Variants in AANAT observed in about 807,000 individuals in gnomAD.
The protein encoded by AANAT is serotonin N-acetyltransferase.
Under a neutral mutation model 15.6 loss-of-function variants are expected in AANAT, and 11 were observed. The observed-to-expected ratio is 0.71, with a 90% CI of 0.44 to 1.17. The LOEUF is 1.17. Ranked by LOEUF, AANAT falls within the 50% of genes most tolerant of loss-of-function variation. AANAT has a pLI of 0.00. For missense variants in AANAT, 286 were observed against 296.3 expected (o/e 0.97, Z 0.26); for synonymous variants, 139 against 131.5 (o/e 1.06, Z -0.39).
At chr17:76,464,968 TG>T (rs564774822), upstream of AANAT, among the ~76,000 whole-genome samples, 1 of 152,074 alleles carries the variant, frequency 6.6e-6, no homozygotes, top group African/African-American at 2.4e-5. Flanking sequence ...GCTGATTTTT[TG>T]TATTTTTAGT....
At chr17:76,466,496 G>C (rs956522373), upstream of AANAT, among the ~76,000 whole-genome samples, 7 of 152,192 alleles carry the variant, frequency 4.6e-5, no homozygotes, top group African/African-American at 1.4e-4. Context: ...TCCTCTGCGG[G>C]GGGGTCGAAA....
At chr17:76,467,753 C>T (rs1205493021) in intron 1 of AANAT, 26 bp downstream of exon 1, 29 of 983,886 alleles carry the variant, frequency 2.9e-5, no homozygotes, top group Non-Finnish European at 3.4e-5. Context: ...ACTCCTGGCT[C>T]TCAGCCTTTA....
rs774692254 is a variant in AANAT at position 76,469,174 on chromosome 17, C to T, written c.165C>T (p.Ala55=). The part of the protein sequence containing the change: ...AVSAFEIERE[A]FISVLGVCPL... ...ACCCACCTGAGCCTCCTGCCACAGC[C>T]TTCATCTCCGTCTTGGGCGTCTGCC... Residue 55 remains alanine, a splice_region_variant and synonymous_variant, in exon 3 of 4, where the codon GCC becomes GCT. Transcript: ENST00000392492. This position sits in a 1 kb window ranked among gnomAD's most constrained non-coding sequence, Gnocchi z 5.2. 1 of 1,614,120 alleles carries T rather than the reference C, an allele frequency of 6.2e-7. No homozygotes were observed. Among genetic ancestry groups the T allele is most frequent in the South Asian group, 1.1e-5 (1 of 91,086 alleles).
Position 76,469,519 on chromosome 17 carries a change from C to G in AANAT, c.319-146C>G, listed in dbSNP as rs1236558239. 1 of 1,217,506 alleles carries G rather than the reference C, an allele frequency of 8.2e-7. No homozygotes were observed. Among genetic ancestry groups the G allele is most frequent in the East Asian group, 2.6e-5 (1 of 38,648 alleles). 75.4% of individuals were successfully genotyped at this position (1,217,506 alleles called of 1,614,324 possible). ...TTTCTCCATGGGGTTGGGGGTATGG[C>G]TCCCAATTTGGGGCCCTCCTTTGCT... is the stretch of plus-strand genomic sequence containing the variant. On this transcript the variant is annotated intron_variant, in intron 3 of 3. Coordinates refer to ENST00000392492, the MANE Select transcript of AANAT (RefSeq NM_001088.3). The surrounding 1 kb of genome is among the most constrained non-coding windows in gnomAD (Gnocchi z 5.2).
At chr17:76,468,486 G>A in intron 1 of AANAT, 186 bp from the exon 2 acceptor site, 2 of 601,028 alleles carry the variant, frequency 3.3e-6, no homozygotes, top group East Asian at 5.6e-5. Context: ...GAAAGGTGGG[G>A]AGACAGTGCC....
chr17:76,469,634 A>T lies in AANAT; in HGVS notation c.319-31A>T. ...GGGGGAGCACGTGTCAGCAGAAGTG[A>T]CCTGGGATCTCATCCCTTGCTCGCT... On this transcript the variant is annotated intron_variant, in intron 3 of 3. Coordinates refer to ENST00000392492, the MANE Select transcript of AANAT (RefSeq NM_001088.3). This position sits in a 1 kb window ranked among gnomAD's most constrained non-coding sequence, Gnocchi z 5.2. 6.9e-7 allele frequency: 1 copy of T among 1,439,132 alleles called. No homozygotes were observed. The highest frequency in any genetic ancestry group is 2.8e-5 in the Admixed American group (1 of 35,456). 89.1% of individuals were successfully genotyped at this position (1,439,132 alleles called of 1,614,324 possible).
At chr17:76,457,722 A>T (rs1018368618) in intron 1 of AANAT, among the ~76,000 whole-genome samples, 1 of 152,198 alleles carries the variant, frequency 6.6e-6, no homozygotes. Flanking sequence ...AGTACCTGGC[A>T]TAGGGATGGA....
At position 76,469,374 on chromosome 17, in the gene AANAT, C is replaced by CA. The variant is rs1454628134; in HGVS notation, c.318+48dup. The CA allele has an allele frequency of 6.2e-7, 1 of 1,608,308 alleles. No individual in the cohort carries two copies. Among genetic ancestry groups the CA allele is most frequent in the Admixed American group, 1.7e-5 (1 of 59,722 alleles). On this transcript the variant is annotated intron_variant, in intron 3 of 3. Coordinates refer to ENST00000392492, the MANE Select transcript of AANAT (RefSeq NM_001088.3). The surrounding 1 kb of genome is among the most constrained non-coding windows in gnomAD (Gnocchi z 5.2). The stretch of plus-strand genomic sequence containing the variant: ...CCAGCTCCAGGGAGGCCTCTGAAGA[C>CA]AGAGGTCAGCCAGATGGCGGGGAGG...
Position 76,469,213 on chromosome 17 carries a change from T to C in AANAT, c.204T>C (p.Asp68=). Residue 68 remains aspartate, a synonymous_variant, in exon 3 of 4, where the codon GAT becomes GAC. Coordinates refer to ENST00000392492, the MANE Select transcript of AANAT (RefSeq NM_001088.3). This position sits in a 1 kb window ranked among gnomAD's most constrained non-coding sequence, Gnocchi z 5.2. ...SVLGVCPLYL[D]EIRHFLTLCP... ...TGGGCGTCTGCCCCCTGTACCTGGATGAGATCCGGCACTTCCTGACCCTAT... is the reference window on the plus strand; with the variant it reads ...TGGGCGTCTGCCCCCTGTACCTGGACGAGATCCGGCACTTCCTGACCCTAT... 1 of 1,612,968 alleles carries C rather than the reference T, an allele frequency of 6.2e-7. No individual in the cohort carries two copies. The highest frequency in any genetic ancestry group is 8.5e-7 in the Non-Finnish European group (1 of 1,178,910).
chr17:76,461,943 C>G (rs2073392642), intron 2 of AANAT, among the ~76,000 whole-genome samples: 1 of 152,196 alleles, frequency 6.6e-6, no homozygotes, highest in Non-Finnish European at 1.5e-5. Context: ...CTTAATGAGT[C>G]AGCGATACAG....
chr17:76,467,828 A>G (rs933555347), intron 1 of AANAT, 101 bp downstream of exon 1: 7 of 790,596 alleles, frequency 8.9e-6, no homozygotes, highest in African/African-American at 1.9e-5. Flanking sequence ...CATGGAGTTT[A>G]TTAAGTGTCT....
intron 1 of AANAT, among the ~76,000 whole-genome samples, chr17:76,457,497 C>A (rs139064770): frequency 6.6e-6 from 1 of 152,240 alleles, no homozygotes; most frequent in East Asian, 1.9e-4. Context: ...GTTTATTCTG[C>A]GGCTTCTTGT....
chr17:76,467,280 C>G (rs1001344102), upstream of AANAT, among the ~76,000 whole-genome samples: 8 of 152,126 alleles, frequency 5.3e-5, no homozygotes, highest in Non-Finnish European at 1.2e-4. Context: ...TGAATTCCCA[C>G]CCCCTCCCCC....
At position 76,469,183 on chromosome 17, in the gene AANAT, C is replaced by T. The variant is rs368679164; in HGVS notation, c.174C>T (p.Ser58=). The part of the protein sequence containing the change: ...AFEIEREAFI[S]VLGVCPLYLD... ...AGCCTCCTGCCACAGCCTTCATCTC[C>T]GTCTTGGGCGTCTGCCCCCTGTACC... Residue 58 remains serine (S), a synonymous_variant, in exon 3 of 4, where the codon TCC becomes TCT. Transcript: ENST00000392492. This position sits in a 1 kb window ranked among gnomAD's most constrained non-coding sequence, Gnocchi z 5.2. 63 of 1,614,026 alleles carry T rather than the reference C, an allele frequency of 3.9e-5. No homozygotes were observed. Among genetic ancestry groups the T allele is most frequent in the African/African-American group, 1.7e-4 (13 of 74,956 alleles).
In AANAT at chr17:76,469,656, C is replaced by T. The variant is rs769483537; in HGVS notation, c.319-9C>T. 10 of 1,467,008 alleles carry T rather than the reference C, an allele frequency of 6.8e-6. No individual in the cohort carries two copies. The African/African-American group carries it at 7.1e-5, about 10-fold the overall frequency. 90.9% of individuals were successfully genotyped at this position (1,467,008 alleles called of 1,614,324 possible). On this transcript the variant is annotated splice_polypyrimidine_tract_variant and intron_variant, in intron 3 of 3. Transcript: ENST00000392492. This position sits in a 1 kb window ranked among gnomAD's most constrained non-coding sequence, Gnocchi z 5.2. ...GTGACCTGGGATCTCATCCCTTGCT[C>T]GCTCCCAGGAGTCACTGACGCTGCA...
upstream of AANAT, among the ~76,000 whole-genome samples, chr17:76,463,309 C>CTTTTTTTTTTTTTT (rs60885549): frequency 3.6e-5 from 4 of 111,948 alleles, no homozygotes; most frequent in East Asian, 2.5e-4. Flanking sequence ...GGAAGGATTC[C>CTTTTTTTTTTTTTT]TTTTTTTTTT....
At chr17:76,453,819 C>G (rs1165112777) in intron 1 of AANAT, 1 of 152,218 alleles carries the variant, frequency 6.6e-6, no homozygotes, top group Admixed American at 6.5e-5. Context: ...GGTTTGGCTA[C>G]AAATCCATGC....
Position 76,469,448 on chromosome 17 carries a change from C to A in AANAT, c.318+121C>A. 1 of 1,367,976 alleles carries A rather than the reference C, an allele frequency of 7.3e-7. No individual in the cohort carries two copies. Among genetic ancestry groups the A allele is most frequent in the South Asian group, 1.4e-5 (1 of 73,024 alleles). The allele number at this position is 1,367,976 out of a possible 1,614,324, so 84.7% of individuals were successfully genotyped here. A position where few individuals can be genotyped will look rare whatever the true frequency, so the allele number is the denominator to read the frequency against. Reference sequence around the variant, plus strand: ...TCCTCCAGAACTGGAGAGATGAGTACAGGCCACAGGCCCCTCCCAGAGCAA... The same window carrying A: ...TCCTCCAGAACTGGAGAGATGAGTAAAGGCCACAGGCCCCTCCCAGAGCAA... On this transcript the variant is annotated intron_variant, in intron 3 of 3. Coordinates refer to ENST00000392492, the MANE Select transcript of AANAT (RefSeq NM_001088.3). The surrounding 1 kb of genome is among the most constrained non-coding windows in gnomAD (Gnocchi z 5.2).
intron 1 of AANAT, among the ~76,000 whole-genome samples, chr17:76,467,993 C>T (rs2073457789): frequency 6.6e-6 from 1 of 152,086 alleles, no homozygotes; most frequent in Non-Finnish European, 1.5e-5. Flanking sequence ...CCCCATTCCC[C>T]AGGCCCTCTG....
Sources: allele counts gnomAD v4.1 joint callset (sites outside exome capture counted in the v4.1 genomes callset), GRCh38; gene constraint gnomAD v4.1.1; non-coding constraint Gnocchi (gnomAD v3.1); transcripts MANE v1.5; gene names NCBI Gene and HGNC (gene_info 2026-07-23, HGNC 2026-07-21).